RNF180: variants seen among roughly 807,000 people sequenced by gnomAD.
The protein encoded by RNF180 is ring finger protein 180.
RNF180 carries 38 observed loss-of-function variants against 59.2 expected under a neutral mutation model. That is an observed-to-expected ratio of 0.64 (90% CI 0.50 to 0.84). The LOEUF is 0.84. RNF180 is among the 40% of genes least tolerant of loss of function. The pLI is 0.00. For synonymous variants in RNF180, 262 were observed against 240.3 expected (o/e 1.09, Z -0.84); for missense variants, 705 against 700.9 (o/e 1.01, Z -0.07).
chr5:64,312,171 A>T (rs187937919), intron 5 of RNF180, among the ~76,000 whole-genome samples: 101 of 152,214 alleles, frequency 6.6e-4, no homozygotes, highest in African/African-American at 2.3e-3. Context: ...GGATTTTTTC[A>T]GTGTCTTATA....
chr5:64,203,373 T>C (rs780731848), intron 2 of RNF180, among the ~76,000 whole-genome samples: 12 of 152,300 alleles, frequency 7.9e-5, no homozygotes, highest in Middle Eastern at 3.4e-3. Context: ...AATTCACCCA[T>C]TGTTAGATAA....
intron 5 of RNF180, among the ~76,000 whole-genome samples, chr5:64,301,160 T>C (rs931997246): frequency 6.6e-6 from 1 of 151,844 alleles, no homozygotes; most frequent in African/African-American, 2.4e-5. Flanking sequence ...CAGAGTGTAC[T>C]ATTTCTCTTA....
At chr5:64,260,804 C>A (rs1241645640) in intron 5 of RNF180, among the ~76,000 whole-genome samples, 1 of 152,178 alleles carries the variant, frequency 6.6e-6, no homozygotes, top group African/African-American at 2.4e-5. Context: ...ATGTTAATCC[C>A]TGTCTTAAAA....
intron 7 of RNF180, among the ~76,000 whole-genome samples, chr5:64,353,021 CTT>C (rs1202563525): frequency 6.6e-6 from 1 of 151,708 alleles, no homozygotes; most frequent in East Asian, 1.9e-4. Flanking sequence ...AAATAAGACT[CTT>C]TGATGTATTT....
chr5:64,293,248 T>TG (rs992362159), intron 5 of RNF180, among the ~76,000 whole-genome samples: 6 of 152,236 alleles, frequency 3.9e-5, no homozygotes, highest in South Asian at 2.1e-4. Context: ...CTCCTGCTCC[T>TG]GGGGGGGCTG....
intron 5 of RNF180, among the ~76,000 whole-genome samples, chr5:64,256,890 T>C (rs2112300436): frequency 6.6e-6 from 1 of 152,294 alleles, no homozygotes; most frequent in African/African-American, 2.4e-5. Flanking sequence ...AGCAGTGGTT[T>C]GTAGTTCTTC....
intron 7 of RNF180, among the ~76,000 whole-genome samples, chr5:64,336,668 C>T (rs1419556964): frequency 6.6e-6 from 1 of 152,188 alleles, no homozygotes; most frequent in Non-Finnish European, 1.5e-5. Flanking sequence ...TTACATTCAT[C>T]TGATAATAGT....
At chr5:64,215,250 A>G (rs1752555784) in intron 4 of RNF180, among the ~76,000 whole-genome samples, 1 of 152,164 alleles carries the variant, frequency 6.6e-6, no homozygotes, top group Admixed American at 6.6e-5. Context: ...ATGTTTCTGA[A>G]TAAACTTTTT....
intron 5 of RNF180, among the ~76,000 whole-genome samples, chr5:64,289,372 C>T (rs1477666303): frequency 6.6e-6 from 1 of 152,018 alleles, no homozygotes; most frequent in Non-Finnish European, 1.5e-5. Flanking sequence ...TGTATCTCTG[C>T]CAGATTTTGG....
chr5:64,165,545 G>A (rs901167763), upstream of RNF180, among the ~76,000 whole-genome samples: 1 of 152,212 alleles, frequency 6.6e-6, no homozygotes, highest in Non-Finnish European at 1.5e-5. Context: ...AGAAAAGGCC[G>A]AGTGAGGACA....
chr5:64,367,744 G>A (rs1183928205), intron 7 of RNF180, among the ~76,000 whole-genome samples: 1 of 151,644 alleles, frequency 6.6e-6, no homozygotes, highest in Admixed American at 6.6e-5. Flanking sequence ...ACCAGAGTTT[G>A]CTTCAGGCTA....
chr5:64,274,241 A>G (rs1054341976), intron 5 of RNF180, among the ~76,000 whole-genome samples: 1 of 151,746 alleles, frequency 6.6e-6, no homozygotes, highest in African/African-American at 2.4e-5. Flanking sequence ...TCATATGTAA[A>G]ATCTCCATTT....
intron 7 of RNF180, among the ~76,000 whole-genome samples, chr5:64,364,692 A>T (rs1261996662): frequency 1.3e-5 from 2 of 151,612 alleles, no homozygotes; most frequent in Non-Finnish European, 3.0e-5. Context: ...GCTGTGAATC[A>T]GTCTGGTCCT....
At chr5:64,247,578 A>G (rs1426977563) in intron 5 of RNF180, among the ~76,000 whole-genome samples, 2 of 152,234 alleles carry the variant, frequency 1.3e-5, no homozygotes, top group African/African-American at 2.4e-5. Flanking sequence ...CTTCAAGGAG[A>G]ACTACAAACC....
intron 5 of RNF180, among the ~76,000 whole-genome samples, chr5:64,315,200 T>C (rs1227288208): frequency 6.6e-6 from 1 of 152,344 alleles, no homozygotes; most frequent in South Asian, 2.1e-4. Flanking sequence ...TCATTAAGTA[T>C]TGGGAATCTG....
intron 5 of RNF180, among the ~76,000 whole-genome samples, chr5:64,232,350 C>T (rs1192418145): frequency 6.6e-6 from 1 of 152,136 alleles, no homozygotes; most frequent in East Asian, 1.9e-4. Context: ...TTTCTGCAGA[C>T]ATTGTAAGTG....
At chr5:64,297,299 T>A (rs1742931535) in intron 5 of RNF180, among the ~76,000 whole-genome samples, 1 of 152,026 alleles carries the variant, frequency 6.6e-6, no homozygotes, top group Non-Finnish European at 1.5e-5. Flanking sequence ...AAAGGCCTGG[T>A]TTCTTACATT....
chr5:64,360,332 G>C (rs1746200797), intron 7 of RNF180, among the ~76,000 whole-genome samples: 1 of 151,688 alleles, frequency 6.6e-6, no homozygotes, highest in Non-Finnish European at 1.5e-5. Context: ...TATCTCAATA[G>C]ATGCAGAAAA....
At chr5:64,188,261 C>T (rs978120405) in intron 1 of RNF180, among the ~76,000 whole-genome samples, 1 of 152,072 alleles carries the variant, frequency 6.6e-6, no homozygotes, top group Non-Finnish European at 1.5e-5. Flanking sequence ...ACATTAAGGA[C>T]ATGCTATTTC....
Sources: allele counts gnomAD v4.1 joint callset (sites outside exome capture counted in the v4.1 genomes callset), GRCh38; gene constraint gnomAD v4.1.1; transcripts MANE v1.5; gene names NCBI Gene and HGNC (gene_info 2026-07-23, HGNC 2026-07-21).